BRAT1: variants seen among roughly 807,000 people sequenced by gnomAD.
BRAT1 encodes integrator complex assembly factor BRAT1.
Under a neutral mutation model 70.6 loss-of-function variants are expected in BRAT1, and 74 were observed. The observed-to-expected ratio is 1.05, with a 90% CI of 0.87 to 1.27. BRAT1 has a LOEUF of 1.27. Among genes scored for constraint, BRAT1 ranks in the 50% most tolerant of loss-of-function variants. The probability of loss-of-function intolerance (pLI) is 0.00; values close to 1 mark genes in which losing one functional copy is unlikely to be tolerated. For synonymous variants in BRAT1, 615 were observed against 517.1 expected, an observed-to-expected ratio of 1.19 and a Z score of -2.57; for missense variants, 1,203 against 1,098.2, an observed-to-expected ratio of 1.10 and a Z score of -1.35.
At chr7:2,551,132 C>T (rs1440100580) in intron 2 of BRAT1, among the ~76,000 whole-genome samples, 2 of 151,548 alleles carry the variant, frequency 1.3e-5, no homozygotes, top group Non-Finnish European at 2.9e-5. Flanking sequence ...CGCAGGTACT[C>T]AGGAGGCTGA....
chr7:2,551,904 G>A (rs1268544098), intron 2 of BRAT1, among the ~76,000 whole-genome samples: 2 of 148,778 alleles, frequency 1.3e-5, no homozygotes, highest in African/African-American at 4.9e-5. Flanking sequence ...ATAATAAAAA[G>A]ACTGGAAAAA....
Position 2,554,332 on chromosome 7 carries a change from C to A in BRAT1, c.100G>T (p.Asp34Tyr), listed in dbSNP as rs1780251689. Reference protein sequence around the residue: ...ADDTCLEKLLDWFKTVTEGES... With the variant: ...ADDTCLEKLLYWFKTVTEGES... ...CCTTCAGTGACCGTTTTAAACCAGT[C>A]CAGGAGCTTCTCCAAACAGGTGTCA... The change falls in exon 2 of 14, where the codon GAC becomes TAC. Residue 34 changes from aspartate (D) to tyrosine (Y), a missense_variant. Transcript: ENST00000340611. 1 of 1,613,876 alleles carries A rather than the reference C, an allele frequency of 6.2e-7. No individual in the cohort carries two copies. The highest frequency in any genetic ancestry group is 1.7e-5 in the Admixed American group (1 of 60,010).
At chr7:2,550,743 T>C (rs1371271430) in intron 2 of BRAT1, among the ~76,000 whole-genome samples, 1 of 152,134 alleles carries the variant, frequency 6.6e-6, no homozygotes, top group African/African-American at 2.4e-5. Flanking sequence ...AGGGACTCAC[T>C]GTGAACCCAG....
chr7:2,540,948 C>T (rs755474556), intron 10 of BRAT1, 31 bp downstream of exon 10: 3 of 1,495,574 alleles, frequency 2.0e-6, no homozygotes, highest in East Asian at 2.6e-5. Context: ...TGCCTCCCTC[C>T]TCTCCTCGCT....
intron 13 of BRAT1, 75 bp from the exon 14 acceptor site, chr7:2,538,839 A>C: frequency 6.4e-7 from 1 of 1,568,200 alleles, no homozygotes; most frequent in South Asian, 1.1e-5. Flanking sequence ...ACTCCGGTAC[A>C]TGATGGGGGC....
In BRAT1 at chr7:2,538,364, A is replaced by C. The variant is rs763537863; in HGVS notation, c.2171T>G (p.Leu724Arg). 5.0e-6 allele frequency: 8 copies of C among 1,613,372 alleles called. No individual in the cohort carries two copies. In the East Asian group the frequency reaches 1.8e-4, roughly 36 times the overall value. The change falls in exon 14 of 14, where the codon CTC becomes CGC. Residue 724 changes from leucine to arginine, a missense_variant. Transcript: ENST00000340611. ...PVAQKSCDLL[L>R]FLRDKIASYS... ...GGAAGCAATCTTGTCCCTCAGGAAG[A>C]GAAGGAGGTCACAAGACTTCTGCGC...
At position 2,543,107 on chromosome 7, in the gene BRAT1, T is replaced by G; in HGVS notation, c.923+97A>C. The G allele has an allele frequency of 7.0e-7, 1 of 1,426,616 alleles. No individual in the cohort carries two copies. Among genetic ancestry groups the G allele is most frequent in the Non-Finnish European group, 9.3e-7 (1 of 1,077,196 alleles). The allele number at this position is 1,426,616 out of a possible 1,614,324, so 88.4% of individuals were successfully genotyped here. On this transcript the variant is annotated intron_variant, in intron 6 of 13. Transcript: ENST00000340611. This position sits in a 1 kb window ranked among gnomAD's most constrained non-coding sequence, Gnocchi z 5.5. ...CACGGCCGCCTGACTGTCCCTGGTG[T>G]CCGGAACTCCCCTGCCATGAGGGCT... is the stretch of plus-strand genomic sequence containing the variant.
At chr7:2,541,158 C>G in intron 9 of BRAT1, 106 bp from the exon 10 acceptor site, 1 of 1,430,654 alleles carries the variant, frequency 7.0e-7, no homozygotes, top group Non-Finnish European at 9.3e-7. Flanking sequence ...GCTGAAACCT[C>G]CTGCACGGCC....
intron 2 of BRAT1, among the ~76,000 whole-genome samples, chr7:2,548,456 G>A (rs776152399): frequency 1.3e-5 from 2 of 151,844 alleles, no homozygotes; most frequent in South Asian, 4.1e-4. Flanking sequence ...CCAGCACTTT[G>A]GGAGGCCAAG....
intron 3 of BRAT1, 69 bp downstream of exon 3, chr7:2,547,250 GCCCCA>G (rs1414349973): frequency 6.4e-7 from 1 of 1,559,246 alleles, no homozygotes; most frequent in Non-Finnish European, 8.8e-7. Context: ...GGCTACAAAT[GCCCCA>G]CCTGGCTGCG....
intron 13 of BRAT1, 156 bp from the exon 14 acceptor site, chr7:2,538,920 G>A (rs1454690100): frequency 3.4e-6 from 5 of 1,461,328 alleles, no homozygotes; most frequent in African/African-American, 1.4e-5. Context: ...TGAGCACACG[G>A]CCCTCCAATC....
In BRAT1 at chr7:2,539,208, TG is replaced by T; in HGVS notation, c.1740del (p.Thr581ProfsTer22). On this transcript the variant is annotated frameshift_variant, in exon 13 of 14. Coordinates refer to ENST00000340611, the MANE Select transcript of BRAT1 (RefSeq NM_152743.4). LOFTEE classifies it low-confidence loss of function (END_TRUNC). ...CGGGCCTCTGCATGCTCAGGGCTGG[TG>T]GGGGCGTGCAGGCCCTGGCTGGACA... ...GQLSSQGLHA[P>X]TSPEHAEARQ... 1 of 1,609,514 alleles carries T rather than the reference TG, an allele frequency of 6.2e-7. No individual in the cohort carries two copies. The highest frequency in any genetic ancestry group is 8.5e-7 in the Non-Finnish European group (1 of 1,178,908).
At chr7:2,546,698 GCACTC>G (rs1779631719) in intron 3 of BRAT1, among the ~76,000 whole-genome samples, 1 of 151,942 alleles carries the variant, frequency 6.6e-6, no homozygotes, top group South Asian at 2.1e-4. Context: ...TCGAACCATT[GCACTC>G]CAGCCTGGGT....
chr7:2,542,207 G>A lies in BRAT1; in HGVS notation c.928C>T (p.Gln310Ter), dbSNP rs866148473. The change falls in exon 7 of 14, where the codon CAG becomes TAG. Residue 310 changes from glutamine (Q) to a stop codon, truncating the protein, a stop_gained. Transcript: ENST00000340611. LOFTEE classifies it high-confidence loss of function. ...TGGAAGGCCTGGGTCCTCAGTGCCTGTGGACTGGAGACAAACGCGAGGTGA... is the reference window on the plus strand; with the variant it reads ...TGGAAGGCCTGGGTCCTCAGTGCCTATGGACTGGAGACAAACGCGAGGTGA... Reference protein sequence around the residue: ...LGILKLEHCPQALRTQAFQVL... With the variant: ...LGILKLEHCP The A allele has an allele frequency of 1.9e-6, 3 of 1,560,384 alleles. No homozygotes were observed. The highest frequency in any genetic ancestry group is 2.6e-6 in the Non-Finnish European group (3 of 1,152,022).
intron 1 of BRAT1, 58 bp from the exon 2 acceptor site, chr7:2,554,505 A>G: frequency 3.3e-6 from 5 of 1,528,846 alleles, no homozygotes; most frequent in Non-Finnish European, 4.4e-6. Flanking sequence ...AGCTCGCTCT[A>G]GTCACAGCAG....
At chr7:2,553,108 C>G (rs560473262) in intron 2 of BRAT1, among the ~76,000 whole-genome samples, 11 of 152,228 alleles carry the variant, frequency 7.2e-5, no homozygotes, top group African/African-American at 2.6e-4. Context: ...TCTGGGCTCA[C>G]TGCAACCTCC....
Position 2,543,537 on chromosome 7 carries a change from C to G in BRAT1, c.803+53G>C, listed in dbSNP as rs765300212. The G allele has an allele frequency of 6.7e-7, 1 of 1,495,976 alleles. No individual in the cohort carries two copies. The highest frequency in any genetic ancestry group is 8.9e-7 in the Non-Finnish European group (1 of 1,123,890). The allele number at this position is 1,495,976 out of a possible 1,614,324, so 92.7% of individuals were successfully genotyped here. A position where few individuals can be genotyped will look rare whatever the true frequency, so the allele number is the denominator to read the frequency against. Reference sequence around the variant, plus strand: ...CAGTGGGACATCCCTGGGCGTTATCCGAGGAAAACAGTTGCCCACCCAGGC... The same window carrying G: ...CAGTGGGACATCCCTGGGCGTTATCGGAGGAAAACAGTTGCCCACCCAGGC... On this transcript the variant is annotated intron_variant, in intron 5 of 13. Coordinates refer to ENST00000340611, the MANE Select transcript of BRAT1 (RefSeq NM_152743.4). This position sits in a 1 kb window ranked among gnomAD's most constrained non-coding sequence, Gnocchi z 5.5.
At position 2,543,488 on chromosome 7, in the gene BRAT1, T is replaced by A; in HGVS notation, c.803+102A>T. The A allele has an allele frequency of 6.7e-7, 1 of 1,482,414 alleles. No homozygotes were observed. The highest frequency in any genetic ancestry group is 8.9e-7 in the Non-Finnish European group (1 of 1,119,612). The allele number at this position is 1,482,414 out of a possible 1,614,324, so 91.8% of individuals were successfully genotyped here. ...CCCGGTGCCGCTTCACTGCAGGCCA[T>A]GTCCTCAGAGAGTCTCCGGCTGCCA... On this transcript the variant is annotated intron_variant, in intron 5 of 13. Coordinates refer to ENST00000340611, the MANE Select transcript of BRAT1 (RefSeq NM_152743.4). This position sits in a 1 kb window ranked among gnomAD's most constrained non-coding sequence, Gnocchi z 5.5.
Position 2,553,385 on chromosome 7 carries a change from G to A in BRAT1, c.127+920C>T, listed in dbSNP as rs182754168. Among the ~76,000 whole-genome samples, 123 of 152,268 alleles carry A rather than the reference G, an allele frequency of 8.1e-4. 1 individual carries two copies. The highest frequency in any genetic ancestry group is 2.9e-3 in the African/African-American group (120 of 41,568). On this transcript the variant is annotated intron_variant, in intron 2 of 13. Coordinates refer to ENST00000340611, the MANE Select transcript of BRAT1 (RefSeq NM_152743.4). ...AGAAATATAAACATCTGACAGTGGA[G>A]TGATTCAATTAATTATGGTCTATTC...
Sources: gnomAD v4.1 joint callset for allele counts (sites outside exome capture counted in the v4.1 genomes callset) on GRCh38, gnomAD v4.1.1 for gene constraint, Gnocchi (gnomAD v3.1) non-coding constraint, MANE v1.5 for transcripts, NCBI Gene and HGNC (gene_info 2026-07-23, HGNC 2026-07-21) for gene names.